Variants in TULP4 observed in about 807,000 individuals in gnomAD.
TULP4 encodes the protein tubby-related protein 4.
Under a neutral mutation model 129.0 loss-of-function variants are expected in TULP4, and 16 were observed. The observed-to-expected ratio is 0.12, with a 90% CI of 0.08 to 0.19. The LOEUF (loss-of-function observed/expected upper bound fraction) is 0.19. TULP4 is among the 10% of genes least tolerant of loss of function. The probability of loss-of-function intolerance (pLI) is 1.00; values close to 1 mark genes in which losing one functional copy is unlikely to be tolerated. For missense variants in TULP4, 1,842 were observed against 2,059.1 expected, an observed-to-expected ratio of 0.89 and a Z score of 2.04; for synonymous variants, 998 against 854.0, an observed-to-expected ratio of 1.17 and a Z score of -2.94.
intron 1 of TULP4, among the ~76,000 whole-genome samples, chr6:158,282,588 G>A (rs942626599): frequency 2.7e-5 from 4 of 150,564 alleles, no homozygotes; most frequent in Admixed American, 1.3e-4. Flanking sequence ...TGGGAAGAAC[G>A]GCTACGAGAT....
intron 1 of TULP4, among the ~76,000 whole-genome samples, chr6:158,305,123 G>T (rs1267742378): frequency 6.6e-6 from 1 of 151,842 alleles, no homozygotes; most frequent in African/African-American, 2.4e-5. Context: ...TCAGCCCCTG[G>T]CACTCACCCT....
At chr6:158,264,121 T>G (rs1778403091) in intron 1 of TULP4, among the ~76,000 whole-genome samples, 1 of 152,158 alleles carries the variant, frequency 6.6e-6, no homozygotes, top group African/African-American at 2.4e-5. Flanking sequence ...AAAATTTTAC[T>G]CATGAAGTAA....
intron 1 of TULP4, among the ~76,000 whole-genome samples, chr6:158,298,576 C>G (rs866966629): frequency 6.6e-6 from 1 of 152,170 alleles, no homozygotes; most frequent in African/African-American, 2.4e-5. Context: ...TATCCAGATT[C>G]CTTCTTGATC....
intron 1 of TULP4, among the ~76,000 whole-genome samples, chr6:158,321,639 C>A (rs574137461): frequency 3.3e-5 from 5 of 152,252 alleles, no homozygotes; most frequent in Non-Finnish European, 4.4e-5. Flanking sequence ...AATCTCCCTG[C>A]GCTTCCCTTG....
intron 1 of TULP4, among the ~76,000 whole-genome samples, chr6:158,245,875 C>G (rs1023366589): frequency 2.6e-4 from 39 of 152,184 alleles, no homozygotes; most frequent in African/African-American, 7.2e-4. Context: ...CCGAGAGGAT[C>G]TAAGCTCCAG....
chr6:158,381,300 A>G (rs1171940811), intron 1 of TULP4, among the ~76,000 whole-genome samples: 1 of 151,858 alleles, frequency 6.6e-6, no homozygotes, highest in African/African-American at 2.4e-5. Flanking sequence ...AGTATTTTGG[A>G]TTTTAGAAGG....
At chr6:158,291,980 T>C (rs1778950022) in intron 1 of TULP4, among the ~76,000 whole-genome samples, 2 of 152,244 alleles carry the variant, frequency 1.3e-5, no homozygotes, top group Non-Finnish European at 2.9e-5. Context: ...CTAAATTTGT[T>C]GTTTGTACTG....
At chr6:158,443,168 GA>G (rs1464111670) in intron 3 of TULP4, among the ~76,000 whole-genome samples, 3 of 152,114 alleles carry the variant, frequency 2.0e-5, no homozygotes, top group African/African-American at 7.2e-5. Context: ...ATTTTTAGTA[GA>G]GACTGGTTTT....
intron 1 of TULP4, among the ~76,000 whole-genome samples, chr6:158,269,869 C>T (rs531662439): frequency 6.6e-6 from 1 of 152,328 alleles, no homozygotes; most frequent in African/African-American, 2.4e-5. Context: ...GGCCCGGTGC[C>T]CGGCAGTCTT....
At chr6:158,494,873 T>G in intron 11 of TULP4, 27 bp downstream of exon 11, 1 of 1,601,740 alleles carries the variant, frequency 6.2e-7, no homozygotes, top group Middle Eastern at 1.7e-4. Flanking sequence ...CTTCTCTCAT[T>G]GTCCCAGTTG....
chr6:158,314,397 T>A, intron 1 of TULP4, 129 bp downstream of exon 1: 1 of 1,152,562 alleles, frequency 8.7e-7, no homozygotes, highest in Non-Finnish European at 1.2e-6. Flanking sequence ...TGCTGTGAGT[T>A]CTGTCTCTTA....
intron 1 of TULP4, among the ~76,000 whole-genome samples, chr6:158,330,664 T>C (rs1336058151): frequency 6.6e-6 from 1 of 152,214 alleles, no homozygotes; most frequent in African/African-American, 2.4e-5. Context: ...AATTCAATAC[T>C]TAAATTATTC....
rs1780535020 is a variant in TULP4, at chr6:158,503,918, C to T, written c.4255C>T (p.Leu1419Phe). ...TGAGCTGTTCATCAGCGGGGATGAGCTCATGAACCAGAGCCAGGGCAGCAG... is the reference window on the plus strand; with the variant it reads ...TGAGCTGTTCATCAGCGGGGATGAGTTCATGAACCAGAGCCAGGGCAGCAG... ...EPELFISGDE[L>F]MNQSQGSRKG... The change falls in exon 13 of 14, where the codon CTC (leucine) becomes TTC (phenylalanine). Residue 1419 changes from leucine (L) to phenylalanine (F), a missense_variant. Physicochemically the swap from Leu to Phe is conservative, Grantham distance 22 (BLOSUM62 0). Around this residue, in one of 5 missense-constraint regions of TULP4, gnomAD observed 1,089 missense variants for 987.1 expected, o/e 1.10. Coordinates refer to ENST00000367097, the MANE Select transcript of TULP4 (RefSeq NM_020245.5). This position sits in a 1 kb window ranked among gnomAD's most constrained non-coding sequence, Gnocchi z 4.3. 6.2e-7 allele frequency: 1 copy of T among 1,614,020 alleles called. No homozygotes were observed. The highest frequency in any genetic ancestry group is 1.1e-5 in the South Asian group (1 of 91,080).
intron 1 of TULP4, among the ~76,000 whole-genome samples, chr6:158,358,930 G>A (rs1332056604): frequency 6.6e-6 from 1 of 152,178 alleles, no homozygotes; most frequent in East Asian, 1.9e-4. Context: ...GGAGGGCTGA[G>A]ATTAGAGACA....
In TULP4 at chr6:158,428,414, A is replaced by G. The variant is rs1778552763; in HGVS notation, c.382-1322A>G. ...CAGATGCAGAAAATCTAAAGACACT[A>G]GCAAATCAGCTTCAACTGTGCATAT... is the stretch of plus-strand genomic sequence containing the variant. On this transcript the variant is annotated intron_variant, in intron 2 of 13. Transcript: ENST00000367097. The G allele has an allele frequency of 3.3e-5, 5 of 152,262 alleles. No individual in the cohort carries two copies. The South Asian group carries it at 1.0e-3, about 32-fold the overall frequency. The allele number at this position is 152,262 out of a possible 1,614,324, so 9.4% of individuals were successfully genotyped here.
At chr6:158,448,543 A>G (rs1005226005) in intron 3 of TULP4, among the ~76,000 whole-genome samples, 3 of 152,232 alleles carry the variant, frequency 2.0e-5, no homozygotes, top group African/African-American at 7.2e-5. Context: ...ACATGCTTAC[A>G]TAACCCAATG....
chr6:158,305,879 A>G (rs1259955656), intron 1 of TULP4, among the ~76,000 whole-genome samples: 1 of 151,878 alleles, frequency 6.6e-6, no homozygotes, highest in Admixed American at 6.6e-5. Context: ...CAATATTCTT[A>G]TCATTCCTTG....
At chr6:158,266,629 G>A (rs4709145) in intron 1 of TULP4, among the ~76,000 whole-genome samples, 23,059 of 151,956 alleles carry the variant, frequency 0.15, 2,435 homozygotes, top group East Asian at 0.43. Context: ...TGTGAGGACT[G>A]AAAACGTTCA....
intron 2 of TULP4, among the ~76,000 whole-genome samples, chr6:158,425,518 A>G (rs993146052): frequency 8.2e-5 from 12 of 146,454 alleles, no homozygotes; most frequent in Non-Finnish European, 1.6e-4. Context: ...CGTCTCAAAA[A>G]AAAAAAAAAA....
Sources: allele counts gnomAD v4.1 joint callset (sites outside exome capture counted in the v4.1 genomes callset), GRCh38; gene constraint gnomAD v4.1.1; regional missense constraint gnomAD v4.1.1; non-coding constraint Gnocchi (gnomAD v3.1); transcripts MANE v1.5; gene names NCBI Gene and HGNC (gene_info 2026-07-23, HGNC 2026-07-21).